The following ADA variants were observed in gnomAD, a reference collection of about 807,000 sequenced individuals.
ADA encodes adenosine deaminase, also known as adenosine aminohydrolase.
Under a neutral mutation model 49.0 loss-of-function variants are expected in ADA, and 45 were observed. The ratio of observed to expected loss-of-function variants is 0.92; its 90% CI spans 0.72 to 1.18. The LOEUF is 1.18. Among genes scored for constraint, ADA ranks in the 50% most tolerant of loss-of-function variants. The pLI is 0.00. For synonymous variants in ADA, 173 were observed against 184.2 expected, an observed-to-expected ratio of 0.94 and a Z score of 0.49; for missense variants, 445 against 472.5, an observed-to-expected ratio of 0.94 and a Z score of 0.54.
At chr20:44,636,063 G>T in intron 2 of ADA, 164 bp downstream of exon 2, 1 of 706,698 alleles carries the variant, frequency 1.4e-6, no homozygotes, top group Non-Finnish European at 2.5e-6. Context: ...GCTCAGTGCT[G>T]AGGCCTCCAT....
intron 1 of ADA, among the ~76,000 whole-genome samples, chr20:44,638,036 G>C (rs1600938842): frequency 3.3e-5 from 5 of 152,312 alleles, no homozygotes; most frequent in Admixed American, 3.3e-4. Context: ...CAGGGCTATG[G>C]AGAGGGCCCA....
intron 1 of ADA, among the ~76,000 whole-genome samples, chr20:44,650,680 C>T (rs1279242730): frequency 3.3e-5 from 5 of 152,126 alleles, no homozygotes; most frequent in Non-Finnish European, 2.9e-5. Flanking sequence ...ATGATCCTCC[C>T]GCCTCAGCCT....
intron 1 of ADA, among the ~76,000 whole-genome samples, chr20:44,640,138 G>T (rs1182585088): frequency 6.6e-6 from 1 of 152,106 alleles, no homozygotes; most frequent in Non-Finnish European, 1.5e-5. Context: ...TATGGGTCGG[G>T]CGTGGTGGTT....
rs116699817 is a variant in ADA at position 44,636,143 on chromosome 20, C to T, written c.95+84G>A. Reference sequence around the variant, plus strand: ...CAGGGAGACAGGAAGGAACAGTGACCCTGGAATTCCCCAGGGGCCTCTGGG... The same window carrying T: ...CAGGGAGACAGGAAGGAACAGTGACTCTGGAATTCCCCAGGGGCCTCTGGG... On this transcript the variant is annotated intron_variant, in intron 2 of 11. Coordinates refer to ENST00000372874, the MANE Select transcript of ADA (RefSeq NM_000022.4). 2,105 of 1,258,098 alleles carry T rather than the reference C, an allele frequency of 1.7e-3. 29 individuals carry two copies. The African/African-American group carries it at 0.028, about 17-fold the overall frequency. 77.9% of individuals were successfully genotyped at this position (1,258,098 alleles called of 1,614,324 possible).
chr20:44,626,848 CA>C (rs924668356), intron 3 of ADA, among the ~76,000 whole-genome samples: 9 of 152,170 alleles, frequency 5.9e-5, no homozygotes, highest in Admixed American at 3.9e-4. Context: ...TCCCTGTCTC[CA>C]TGCTTGCCCC....
intron 8 of ADA, 29 bp downstream of exon 8, chr20:44,622,800 G>GTAAGA: frequency 1.2e-6 from 2 of 1,614,184 alleles, no homozygotes; most frequent in Non-Finnish European, 1.7e-6. Context: ...AGCCGGGGAT[G>GTAAGA]GTTCCTCCCC....
At chr20:44,637,306 A>G (rs893884627) in intron 1 of ADA, among the ~76,000 whole-genome samples, 1 of 152,110 alleles carries the variant, frequency 6.6e-6, no homozygotes, top group African/African-American at 2.4e-5. Context: ...CAACTGAAAA[A>G]CAATGGAATA....
chr20:44,627,875 C>G (rs779234234), intron 3 of ADA, among the ~76,000 whole-genome samples: 16 of 152,198 alleles, frequency 1.1e-4, no homozygotes, highest in Non-Finnish European at 1.6e-4. Context: ...CCTCTGACAC[C>G]TAGGTCAAGG....
At position 44,624,212 on chromosome 20, in the gene ADA, T is replaced by G. The variant is rs121908734; in HGVS notation, c.596A>C (p.Gln199Pro). 6.2e-7 allele frequency: 1 copy of G among 1,612,334 alleles called. No homozygotes were observed. The highest frequency in any genetic ancestry group is 8.5e-7 in the Non-Finnish European group (1 of 1,179,194). ...PGSSLLPGHVQAYQEAVKSGI... is the reference protein window; with the variant it reads ...PGSSLLPGHVPAYQEAVKSGI... ...TCTCACAGGACCCACCTGGTAGGCC[T>G]GGACATGTCCAGGCAAGAGGCTGCT... Residue 199 changes from glutamine (Q) to proline (P), a missense_variant, in exon 6 of 12, where the codon CAG becomes CCG. By Grantham distance (76) the Gln-to-Pro change is moderately conservative. Transcript: ENST00000372874.
At chr20:44,647,198 G>A (rs6031693) in intron 1 of ADA, among the ~76,000 whole-genome samples, 11,572 of 152,074 alleles carry the variant, frequency 0.076, 904 homozygotes, top group African/African-American at 0.19. Context: ...ACTTTGGGAG[G>A]CTGAGGTGGG....
At chr20:44,622,449 G>A in intron 9 of ADA, 139 bp downstream of exon 9, 1 of 1,035,404 alleles carries the variant, frequency 9.7e-7, no homozygotes, top group Non-Finnish European at 1.5e-6. Context: ...GATGAGGACG[G>A]CAATGCCTGC....
rs2065408890 is a variant in ADA, at chr20:44,629,089, G to T, written c.176C>A (p.Pro59Gln). 1 of 1,614,074 alleles carries T rather than the reference G, an allele frequency of 6.2e-7. No homozygotes were observed. Among genetic ancestry groups the T allele is most frequent in the African/African-American group, 1.3e-5 (1 of 74,934 alleles). The change falls in exon 3 of 12, where the codon CCA becomes CAA. Residue 59 changes from proline to glutamine, a missense_variant. By Grantham distance (76) the Pro-to-Gln change is moderately conservative. Coordinates refer to ENST00000372874, the MANE Select transcript of ADA (RefSeq NM_000022.4). ...GTAGTCAAACTTGGCCAGGAAGTCTGGAAGGGTGAGCGGCTTGTCCATGCC... is the reference window on the plus strand; with the variant it reads ...GTAGTCAAACTTGGCCAGGAAGTCTTGAAGGGTGAGCGGCTTGTCCATGCC... ...VIGMDKPLTL[P>Q]DFLAKFDYYM...
chr20:44,623,093 G>A lies in ADA; in HGVS notation c.607-15C>T, dbSNP rs2065348933. 2 of 1,613,714 alleles carry A rather than the reference G, an allele frequency of 1.2e-6. No homozygotes were observed. Among genetic ancestry groups the A allele is most frequent in the Admixed American group, 1.7e-5 (1 of 60,008 alleles). On this transcript the variant is annotated splice_polypyrimidine_tract_variant and intron_variant, in intron 6 of 11. Transcript: ENST00000372874. ...TTCACAGCCTCCTGGAAGGGGGAGA[G>A]CCAGGTCATGGGTGCCCTAGCGGGA...
intron 1 of ADA, 37 bp from the exon 2 acceptor site, chr20:44,636,325 G>A (rs1336550448): frequency 6.6e-7 from 1 of 1,524,244 alleles, no homozygotes; most frequent in Admixed American, 1.8e-5. Flanking sequence ...GAGAAAGGGA[G>A]AGAGAGAACA....
rs1273065050 is a variant in ADA at position 44,626,198 on chromosome 20, CT to C, written c.362+257del. On this transcript the variant is annotated intron_variant, in intron 4 of 11. Transcript: ENST00000372874. ...TGGGTGGCTAAGCAGGTTAACATTC[CT>C]GGACAGCAGGCCTGTGGCCAGAGCA... 5.2e-5 allele frequency: 30 copies of C among 576,154 alleles called. No homozygotes were observed. The East Asian group carries it at 9.2e-4, about 18-fold the overall frequency. The allele number at this position is 576,154 out of a possible 1,614,324, so 35.7% of individuals were successfully genotyped here.
intron 6 of ADA, 143 bp from the exon 7 acceptor site, chr20:44,623,221 A>T: frequency 8.2e-7 from 1 of 1,226,030 alleles, no homozygotes; most frequent in Non-Finnish European, 1.1e-6. Flanking sequence ...TTACCCTCCA[A>T]GTCCTTATCT....
At chr20:44,632,392 G>A (rs1418107184) in intron 2 of ADA, among the ~76,000 whole-genome samples, 3 of 152,144 alleles carry the variant, frequency 2.0e-5, no homozygotes, top group African/African-American at 7.2e-5. Context: ...GGACTAGCAT[G>A]AAATAATTTA....
chr20:44,621,098 T>C lies in ADA; in HGVS notation c.895A>G (p.Ile299Val), dbSNP rs1208759543. 1 of 1,614,202 alleles carries C rather than the reference T, an allele frequency of 6.2e-7. No individual in the cohort carries two copies. The highest frequency in any genetic ancestry group is 8.5e-7 in the Non-Finnish European group (1 of 1,180,032). The stretch of plus-strand genomic sequence containing the variant: ...TCAGTGTCCAGGGTGGACTTGAAGA[T>C]GAGCGGGTCATCTGTGTTGAGCGAG... The part of the protein sequence containing the change: ...NYSLNTDDPL[I>V]FKSTLDTDYQ... Residue 299 changes from isoleucine (I) to valine (V), a missense_variant, in exon 10 of 12, where the codon ATC becomes GTC. Physicochemically the swap from Ile to Val is conservative, Grantham distance 29. Coordinates refer to ENST00000372874, the MANE Select transcript of ADA (RefSeq NM_000022.4).
chr20:44,638,749 C>T (rs2065504091), intron 1 of ADA, among the ~76,000 whole-genome samples: 1 of 152,142 alleles, frequency 6.6e-6, no homozygotes, highest in Non-Finnish European at 1.5e-5. Flanking sequence ...CAGTCACAAA[C>T]CAAGACGACT....
Sources: gnomAD v4.1 joint callset for allele counts (sites outside exome capture counted in the v4.1 genomes callset) on GRCh38, gnomAD v4.1.1 for gene constraint, MANE v1.5 for transcripts, NCBI Gene and HGNC (gene_info 2026-07-23, HGNC 2026-07-21) for gene names.